Variants in RAB11FIP5 observed in about 807,000 individuals in gnomAD.
RAB11FIP5 encodes rab11 family-interacting protein 5.
Under a neutral mutation model 85.1 loss-of-function variants are expected in RAB11FIP5, and 48 were observed. The observed-to-expected ratio is 0.56, with a 90% CI of 0.45 to 0.72. The LOEUF (loss-of-function observed/expected upper bound fraction) is 0.72. Among genes scored for constraint, RAB11FIP5 ranks in the 30% least tolerant of loss-of-function variants. The pLI is 0.00. For missense variants in RAB11FIP5, 1,491 were observed against 1,687.0 expected, an observed-to-expected ratio of 0.88 and a Z score of 2.04; for synonymous variants, 729 against 727.3, an observed-to-expected ratio of 1.00 and a Z score of -0.04.
intron 1 of RAB11FIP5, among the ~76,000 whole-genome samples, chr2:73,111,039 A>G (rs1420643336): frequency 3.3e-5 from 5 of 151,890 alleles, no homozygotes; most frequent in African/African-American, 1.2e-4. Context: ...TCCAAGCTAT[A>G]TACCACATGA....
intron 1 of RAB11FIP5, among the ~76,000 whole-genome samples, chr2:73,104,698 C>T (rs1183912272): frequency 1.3e-5 from 2 of 152,338 alleles, no homozygotes; most frequent in South Asian, 2.1e-4. Context: ...CCACCACACT[C>T]ACAGTTTCCC....
rs773689946 is a variant in RAB11FIP5 at position 73,080,116 on chromosome 2, A to G, written c.3116T>C (p.Val1039Ala). 20 of 1,232,032 alleles carry G rather than the reference A, an allele frequency of 1.6e-5. No individual in the cohort carries two copies. The highest frequency in any genetic ancestry group is 4.2e-5 in the Admixed American group (1 of 23,706). The allele number at this position is 1,232,032 out of a possible 1,614,324, so 76.3% of individuals were successfully genotyped here. ...TGACAAGGACCCAAGCCCCTCTCCT[A>G]CTGGATCCTGGCCCTGGGCCTCAGG... ...EAPEAQGQDP[V>A]GEGLGSLSAT... The change falls in exon 4 of 6, where the codon GTA becomes GCA. Residue 1039 changes from valine to alanine, a missense_variant. Transcript: ENST00000486777.
intron 1 of RAB11FIP5, among the ~76,000 whole-genome samples, chr2:73,102,924 G>A (rs1156700783): frequency 6.6e-6 from 1 of 152,132 alleles, no homozygotes; most frequent in Non-Finnish European, 1.5e-5. Context: ...TTAAAGACAA[G>A]GTAAAGTGAA....
intron 1 of RAB11FIP5, among the ~76,000 whole-genome samples, chr2:73,098,790 T>C (rs1289037892): frequency 2.6e-5 from 4 of 152,154 alleles, no homozygotes; most frequent in Non-Finnish European, 5.9e-5. Context: ...TTTCCCCTAA[T>C]CTCTAACAAA....
In RAB11FIP5 at chr2:73,081,233, C is replaced by T. The variant is rs1473773658; in HGVS notation, c.1999G>A (p.Glu667Lys). The T allele has an allele frequency of 7.3e-6, 9 of 1,232,166 alleles. No homozygotes were observed. The highest frequency in any genetic ancestry group is 1.6e-5 in the African/African-American group (1 of 64,422). 76.3% of individuals were successfully genotyped at this position (1,232,166 alleles called of 1,614,324 possible). A position where few individuals can be genotyped will look rare whatever the true frequency, so the allele number is the denominator to read the frequency against. The change falls in exon 4 of 6, where the codon GAG (glutamate) becomes AAG (lysine). Residue 667 changes from glutamate to lysine, a missense_variant. By Grantham distance (56) the Glu-to-Lys change is moderately conservative (BLOSUM62 1). Coordinates refer to ENST00000486777, the MANE Select transcript of RAB11FIP5 (RefSeq NM_001371272.1). This position sits in a 1 kb window ranked among gnomAD's most constrained non-coding sequence, Gnocchi z 4.2. ...ASRLRPEARS[E>K]ILAPAGVGLE... ...CCCACTCCTGCAGGGGCCAGGATCT[C>T]GCTCCTGGCCTCTGGACGCAGCCTG...
In RAB11FIP5 at chr2:73,086,596, C is replaced by T. The variant is rs903470032; in HGVS notation, c.1568+1454G>A. On this transcript the variant is annotated intron_variant, in intron 3 of 5. Coordinates refer to ENST00000486777, the MANE Select transcript of RAB11FIP5 (RefSeq NM_001371272.1). The surrounding 1 kb of genome is among the most constrained non-coding windows in gnomAD (Gnocchi z 4.4). ...CTGTGCCCCTTTCAATCCAGGCCCT[C>T]AGCTCCTCCCAGCAAATGCCCTGTC... Among the ~76,000 whole-genome samples the T allele has an allele frequency of 1.3e-5, 2 of 152,190 alleles. No homozygotes were observed. The highest frequency in any genetic ancestry group is 2.9e-5 in the Non-Finnish European group (2 of 68,030).
rs931213779 is a variant in RAB11FIP5, at chr2:73,074,849, C to T, written c.*672G>A. The T allele has an allele frequency of 1.6e-4, 40 of 250,890 alleles. No individual in the cohort carries two copies. The highest frequency in any genetic ancestry group is 2.4e-5 in the Non-Finnish European group (3 of 126,214). The allele number at this position is 250,890 out of a possible 1,614,324, so 15.5% of individuals were successfully genotyped here. A position where few individuals can be genotyped will look rare whatever the true frequency, so the allele number is the denominator to read the frequency against. On this transcript the variant is annotated 3_prime_UTR_variant, in exon 6 of 6. Coordinates refer to ENST00000486777, the MANE Select transcript of RAB11FIP5 (RefSeq NM_001371272.1). ...TCCCATGTGACACTCGTGGAAAGGT[C>T]AGAGGGGTCAGGGAGCAGCCTGAAG... is the stretch of plus-strand genomic sequence containing the variant.
intron 1 of RAB11FIP5, among the ~76,000 whole-genome samples, chr2:73,102,176 T>C (rs140643986): frequency 6.6e-6 from 1 of 151,890 alleles, no homozygotes; most frequent in Non-Finnish European, 1.5e-5. Flanking sequence ...ACTGCAGAAG[T>C]GCAGGCAGGA....
In RAB11FIP5 at chr2:73,112,901, G is replaced by T; in HGVS notation, c.-124C>A. On this transcript the variant is annotated 5_prime_UTR_variant, in exon 1 of 6. Coordinates refer to ENST00000486777, the MANE Select transcript of RAB11FIP5 (RefSeq NM_001371272.1). ...GAGCGCCGCCGCAGCTGCGGGCTGG[G>T]CTGGGCCGGGCCGACCGGCCGCCGC... 1.4e-5 allele frequency: 13 copies of T among 915,944 alleles called. No individual in the cohort carries two copies. The highest frequency in any genetic ancestry group is 1.8e-5 in the Non-Finnish European group (13 of 706,834). 56.7% of individuals were successfully genotyped at this position (915,944 alleles called of 1,614,324 possible).
At position 73,080,203 on chromosome 2, in the gene RAB11FIP5, C is replaced by T; in HGVS notation, c.3029G>A (p.Ser1010Asn). ...GATGTGCTGACTCTGAAGAGCCAAG[C>T]TCTTTGAGTGACAGGGTATGGGGGC... is the stretch of plus-strand genomic sequence containing the variant. ...GPAPIPCHSK[S>N]LALQSQHIWG... The change falls in exon 4 of 6, where the codon AGC (serine) becomes AAC (asparagine). Residue 1010 changes from serine to asparagine, a missense_variant. Ser to Asn is a conservative substitution (Grantham distance 46). Coordinates refer to ENST00000486777, the MANE Select transcript of RAB11FIP5 (RefSeq NM_001371272.1). 1 of 1,232,316 alleles carries T rather than the reference C, an allele frequency of 8.1e-7. No homozygotes were observed. The highest frequency in any genetic ancestry group is 1.0e-6 in the Non-Finnish European group (1 of 988,128). The allele number at this position is 1,232,316 out of a possible 1,614,324, so 76.3% of individuals were successfully genotyped here. A position where few individuals can be genotyped will look rare whatever the true frequency, so the allele number is the denominator to read the frequency against.
At chr2:73,109,323 C>T (rs982910364) in intron 1 of RAB11FIP5, among the ~76,000 whole-genome samples, 2 of 152,162 alleles carry the variant, frequency 1.3e-5, no homozygotes, top group Non-Finnish European at 2.9e-5. Context: ...CCAGCCACCA[C>T]CATCACACAA....
chr2:73,109,652 T>C (rs1684602277), intron 1 of RAB11FIP5, among the ~76,000 whole-genome samples: 1 of 152,206 alleles, frequency 6.6e-6, no homozygotes, highest in Admixed American at 6.5e-5. Flanking sequence ...GTTTCAGGAC[T>C]GCAGAGGCCT....
chr2:73,107,182 A>G (rs1684544900), intron 1 of RAB11FIP5, among the ~76,000 whole-genome samples: 1 of 152,232 alleles, frequency 6.6e-6, no homozygotes, highest in Admixed American at 6.5e-5. Flanking sequence ...TGTGGGGAAG[A>G]ACAAAACTGC....
intron 4 of RAB11FIP5, among the ~76,000 whole-genome samples, chr2:73,076,860 C>T (rs1683873505): frequency 6.6e-6 from 1 of 152,194 alleles, no homozygotes; most frequent in African/African-American, 2.4e-5. Flanking sequence ...CCCATTAGAA[C>T]AGGACGTCGG....
intron 1 of RAB11FIP5, among the ~76,000 whole-genome samples, chr2:73,110,618 A>G (rs1265944793): frequency 6.6e-6 from 1 of 152,218 alleles, no homozygotes; most frequent in Non-Finnish European, 1.5e-5. Flanking sequence ...GGTAAGTCAA[A>G]TTCTCCAAGA....
intron 1 of RAB11FIP5, among the ~76,000 whole-genome samples, chr2:73,092,230 C>T (rs1684229003): frequency 1.3e-5 from 2 of 152,190 alleles, no homozygotes; most frequent in South Asian, 4.1e-4. Flanking sequence ...GGTATGGACT[C>T]CAGCCCCAAA....
At chr2:73,101,644 T>C (rs1684431270) in intron 1 of RAB11FIP5, among the ~76,000 whole-genome samples, 1 of 152,126 alleles carries the variant, frequency 6.6e-6, no homozygotes. Context: ...GGACACAGGC[T>C]TTCCCTCCTT....
At chr2:73,111,449 A>T (rs1446545713) in intron 1 of RAB11FIP5, among the ~76,000 whole-genome samples, 2 of 152,156 alleles carry the variant, frequency 1.3e-5, no homozygotes, top group Non-Finnish European at 2.9e-5. Context: ...GATCCACAGC[A>T]GGCTGTCAGC....
In RAB11FIP5 at chr2:73,075,798, C is replaced by T; in HGVS notation, c.3772-74G>A. 1.3e-6 allele frequency: 2 copies of T among 1,507,092 alleles called. No individual in the cohort carries two copies. Among genetic ancestry groups the T allele is most frequent in the South Asian group, 1.3e-5 (1 of 79,032 alleles). The allele number at this position is 1,507,092 out of a possible 1,614,324, so 93.4% of individuals were successfully genotyped here. On this transcript the variant is annotated intron_variant, in intron 5 of 5. Transcript: ENST00000486777. The surrounding 1 kb of genome is among the most constrained non-coding windows in gnomAD (Gnocchi z 4.6). ...CCTGCCTGCCCGCTTGCCCGCCCGC[C>T]CGCCTGCCCACCAACACCTAAGTTT...
Sources: allele counts gnomAD v4.1 joint callset (sites outside exome capture counted in the v4.1 genomes callset), GRCh38; gene constraint gnomAD v4.1.1; non-coding constraint Gnocchi (gnomAD v3.1); transcripts MANE v1.5; gene names NCBI Gene and HGNC (gene_info 2026-07-23, HGNC 2026-07-21).